The following PANX1 variants were observed in gnomAD, a reference collection of about 807,000 sequenced individuals.
The protein encoded by PANX1 is pannexin-1.
Under a neutral mutation model 38.7 loss-of-function variants are expected in PANX1, and 30 were observed. That is an observed-to-expected ratio of 0.78 (90% confidence interval 0.58 to 1.05). The LOEUF is 1.05. Ranked by LOEUF, PANX1 falls within the 50% of genes least tolerant of loss-of-function variation. The pLI is 0.00. For missense variants in PANX1, 551 were observed against 517.2 expected (o/e 1.07, Z -0.63); for synonymous variants, 230 against 212.2 (o/e 1.08, Z -0.73).
chr11:94,167,923 C>T (rs1591522312), intron 2 of PANX1, among the ~76,000 whole-genome samples: 1 of 152,156 alleles, frequency 6.6e-6, no homozygotes. Context: ...CAGTAGTGAA[C>T]TCTGTTAAAT....
intron 2 of PANX1, among the ~76,000 whole-genome samples, chr11:94,171,828 T>G (rs917862687): frequency 2.7e-5 from 4 of 150,576 alleles, no homozygotes; most frequent in African/African-American, 9.9e-5. Flanking sequence ...CTGTGAGGCC[T>G]TTGCTGGAGA....
At chr11:94,162,797 C>A (rs1947060470) in intron 2 of PANX1, among the ~76,000 whole-genome samples, 1 of 151,896 alleles carries the variant, frequency 6.6e-6, no homozygotes, top group Non-Finnish European at 1.5e-5. Flanking sequence ...AATTACCTGT[C>A]TTCTGCGTCG....
intron 2 of PANX1, among the ~76,000 whole-genome samples, chr11:94,160,180 G>A (rs1342007144): frequency 6.6e-6 from 1 of 152,134 alleles, no homozygotes; most frequent in Non-Finnish European, 1.5e-5. Flanking sequence ...GTGCAGTGTG[G>A]TGCTGAGAAG....
intron 2 of PANX1, among the ~76,000 whole-genome samples, chr11:94,167,183 C>G (rs575735589): frequency 1.8e-4 from 28 of 152,226 alleles, no homozygotes; most frequent in Middle Eastern, 3.4e-3. Flanking sequence ...ATTTTGCTCT[C>G]CCTCCTTCAA....
chr11:94,138,107 A>G (rs147745780), intron 1 of PANX1, among the ~76,000 whole-genome samples: 281 of 152,188 alleles, frequency 1.8e-3, no homozygotes, highest in African/African-American at 6.5e-3. Flanking sequence ...GTATACATAG[A>G]CATTTTTAAG....
At chr11:94,138,760 GCC>G (rs1369693492) in intron 1 of PANX1, among the ~76,000 whole-genome samples, 2 of 151,986 alleles carry the variant, frequency 1.3e-5, no homozygotes, top group East Asian at 3.9e-4. Context: ...CTATTTTTAT[GCC>G]CATTAACCAT....
intron 1 of PANX1, among the ~76,000 whole-genome samples, chr11:94,138,439 C>T (rs1431919383): frequency 6.6e-6 from 1 of 151,984 alleles, no homozygotes; most frequent in Non-Finnish European, 1.5e-5. Flanking sequence ...TCTAGCTAGC[C>T]TTTATTGTAT....
At chr11:94,173,418 G>A (rs1947191481) in intron 2 of PANX1, among the ~76,000 whole-genome samples, 1 of 151,448 alleles carries the variant, frequency 6.6e-6, no homozygotes, top group African/African-American at 2.5e-5. Flanking sequence ...CTACAGACCA[G>A]GGCGTTTTGA....
In PANX1 at chr11:94,153,643, A is replaced by T. The variant is rs1024374416; in HGVS notation, c.321+13A>T. 3.1e-6 allele frequency: 5 copies of T among 1,610,690 alleles called. No homozygotes were observed. The highest frequency in any genetic ancestry group is 4.5e-5 in the East Asian group (2 of 44,862). ...GTGGCTGCATAAGGTAAAGGGAGAC[A>T]TTTCCAAATAGAACCTGTTTGCTTT... is the stretch of plus-strand genomic sequence containing the variant. On this transcript the variant is annotated intron_variant, in intron 2 of 4. Coordinates refer to ENST00000227638, the MANE Select transcript of PANX1 (RefSeq NM_015368.4).
intron 1 of PANX1, among the ~76,000 whole-genome samples, chr11:94,136,728 A>G (rs1001867939): frequency 3.3e-4 from 50 of 152,118 alleles, no homozygotes; most frequent in Non-Finnish European, 4.9e-4. Flanking sequence ...AGATCGCGCC[A>G]CTGCACTCCA....
chr11:94,140,492 A>G (rs1946748973), intron 1 of PANX1, among the ~76,000 whole-genome samples: 2 of 152,118 alleles, frequency 1.3e-5, no homozygotes, highest in Non-Finnish European at 2.9e-5. Flanking sequence ...AGATATCTTC[A>G]TGTTAGTGCA....
At chr11:94,137,694 C>A (rs779320777) in intron 1 of PANX1, among the ~76,000 whole-genome samples, 1 of 150,284 alleles carries the variant, frequency 6.7e-6, no homozygotes, top group East Asian at 2.0e-4. Context: ...GGGGAGGGGA[C>A]GCTGTTGTTT....
At chr11:94,160,949 T>G (rs1947023988) in intron 2 of PANX1, among the ~76,000 whole-genome samples, 2 of 152,208 alleles carry the variant, frequency 1.3e-5, no homozygotes, top group African/African-American at 4.8e-5. Flanking sequence ...GCATTTGCTT[T>G]GCTGTAAAGG....
intron 2 of PANX1, among the ~76,000 whole-genome samples, chr11:94,161,038 T>G (rs572199260): frequency 6.6e-6 from 1 of 152,366 alleles, no homozygotes; most frequent in Admixed American, 6.5e-5. Flanking sequence ...TCTTTAAGAA[T>G]GTTGAATATT....
chr11:94,165,639 A>T (rs1947094713), intron 2 of PANX1, among the ~76,000 whole-genome samples: 1 of 152,216 alleles, frequency 6.6e-6, no homozygotes, highest in Non-Finnish European at 1.5e-5. Context: ...GGCCGGGCAC[A>T]GTGGCTCATG....
intron 2 of PANX1, among the ~76,000 whole-genome samples, chr11:94,176,650 G>A (rs1009348647): frequency 6.6e-6 from 1 of 151,596 alleles, no homozygotes; most frequent in Non-Finnish European, 1.5e-5. Flanking sequence ...TGTTTTGAGG[G>A]GAGGGTTTCA....
At chr11:94,150,174 C>T (rs1049044950) in intron 1 of PANX1, among the ~76,000 whole-genome samples, 49 of 150,326 alleles carry the variant, frequency 3.3e-4, no homozygotes, top group African/African-American at 1.1e-3. Context: ...AGAGGGCCTC[C>T]GGGCAGAGGG....
At chr11:94,135,567 C>T (rs1346246586) in intron 1 of PANX1, among the ~76,000 whole-genome samples, 2 of 152,120 alleles carry the variant, frequency 1.3e-5, no homozygotes, top group East Asian at 1.9e-4. Flanking sequence ...TGGCATAGGT[C>T]CTATAATAGA....
chr11:94,135,441 AT>A (rs1169794126), intron 1 of PANX1, among the ~76,000 whole-genome samples: 3 of 152,160 alleles, frequency 2.0e-5, no homozygotes, highest in Non-Finnish European at 2.9e-5. Flanking sequence ...TTGTGGCTGA[AT>A]TTAGACCTGT....
Sources: allele counts gnomAD v4.1 joint callset (sites outside exome capture counted in the v4.1 genomes callset), GRCh38; gene constraint gnomAD v4.1.1; transcripts MANE v1.5; gene names NCBI Gene and HGNC (gene_info 2026-07-23, HGNC 2026-07-21).